Variants in WDR59 observed in about 807,000 individuals in gnomAD.
WDR59 encodes GATOR2 complex protein WDR59.
Under a neutral mutation model 131.2 loss-of-function variants are expected in WDR59, and 100 were observed. The ratio of observed to expected loss-of-function variants is 0.76; its 90% CI spans 0.65 to 0.90. WDR59 has a LOEUF of 0.90. WDR59 is among the 40% of genes least tolerant of loss of function. The pLI, the probability that WDR59 is intolerant of heterozygous loss-of-function variation, is 0.00. For synonymous variants in WDR59, 601 were observed against 466.2 expected (o/e 1.29, Z -3.72); for missense variants, 1,203 against 1,262.2 (o/e 0.95, Z 0.71).
intron 13 of WDR59, among the ~76,000 whole-genome samples, chr16:74,914,125 T>C (rs748000338): frequency 2.0e-5 from 3 of 151,934 alleles, no homozygotes; most frequent in Non-Finnish European, 4.4e-5. Context: ...GGCAGGAGAA[T>C]CGCGTGAACC....
At chr16:74,958,005 A>T (rs2033372733) in intron 2 of WDR59, among the ~76,000 whole-genome samples, 1 of 152,164 alleles carries the variant, frequency 6.6e-6, no homozygotes, top group Admixed American at 6.6e-5. Flanking sequence ...GAATCACCTG[A>T]TCCTGCGATG....
intron 1 of WDR59, among the ~76,000 whole-genome samples, chr16:74,976,316 C>A (rs374187382): frequency 1.3e-5 from 2 of 152,010 alleles, no homozygotes; most frequent in South Asian, 2.1e-4. Context: ...AAATCACCAA[C>A]CATTATTAGG....
intron 18 of WDR59, 110 bp from the exon 19 acceptor site, chr16:74,893,922 A>G (rs1315744134): frequency 1.1e-5 from 13 of 1,189,690 alleles, no homozygotes; most frequent in South Asian, 1.5e-5. Flanking sequence ...TTTAAAAATT[A>G]CATCATGCCC....
At chr16:74,900,925 C>T (rs992808928) in intron 18 of WDR59, among the ~76,000 whole-genome samples, 1 of 152,214 alleles carries the variant, frequency 6.6e-6, no homozygotes, top group Non-Finnish European at 1.5e-5. Flanking sequence ...TCGAGACCAG[C>T]GTGGCCAACA....
In WDR59 at chr16:74,921,951, C is replaced by T; in HGVS notation, c.882G>A (p.Lys294=). The T allele has an allele frequency of 6.2e-7, 1 of 1,613,876 alleles. No homozygotes were observed. The highest frequency in any genetic ancestry group is 8.5e-7 in the Non-Finnish European group (1 of 1,179,934). Residue 294 remains lysine, a synonymous_variant, in exon 10 of 26, where the codon AAG becomes AAA. Transcript: ENST00000262144. Reference sequence around the variant, plus strand: ...CAGCAGGCCTCTCCCACTCACCTTCCTTCTGCTTCCTCCACTGGAACTCCA... The same window carrying T: ...CAGCAGGCCTCTCCCACTCACCTTCTTTCTGCTTCCTCCACTGGAACTCCA... The part of the protein sequence containing the change: ...VVLEFQWRKQ[K]EGSKDYQLVT...
chr16:74,896,201 C>T (rs1336697386), intron 18 of WDR59, among the ~76,000 whole-genome samples: 1 of 151,940 alleles, frequency 6.6e-6, no homozygotes, highest in Non-Finnish European at 1.5e-5. Context: ...CAGGCAGTCA[C>T]TCTGGTTCTT....
At chr16:74,982,323 C>G (rs1321475910) in intron 1 of WDR59, among the ~76,000 whole-genome samples, 1 of 151,992 alleles carries the variant, frequency 6.6e-6, no homozygotes, top group Non-Finnish European at 1.5e-5. Context: ...TGCTAATTCA[C>G]ATAAAGAGGA....
At position 74,980,802 on chromosome 16, in the gene WDR59, T is replaced by A. The variant is rs375437691; in HGVS notation, c.54+4162A>T. 3.3e-5 allele frequency among the ~76,000 whole-genome samples: 5 copies of A among 151,460 alleles called. No individual in the cohort carries two copies. The South Asian group carries it at 1.0e-3, about 32-fold the overall frequency. On this transcript the variant is annotated intron_variant, in intron 1 of 25. Transcript: ENST00000262144. ...GCCTGGCCAACATGACGAAACCCCA[T>A]CTCTACTAAAATACAAAAATTAGCC...
At chr16:74,922,894 C>T (rs2030386086) in intron 9 of WDR59, among the ~76,000 whole-genome samples, 1 of 152,094 alleles carries the variant, frequency 6.6e-6, no homozygotes, top group Admixed American at 6.5e-5. Context: ...CTTTTTTGCT[C>T]CACAATGCTC....
intron 1 of WDR59, among the ~76,000 whole-genome samples, chr16:74,966,800 G>A (rs903731322): frequency 2.6e-5 from 4 of 152,080 alleles, no homozygotes; most frequent in African/African-American, 7.2e-5. Flanking sequence ...TCTATTTCCC[G>A]GGTCTCCCAA....
At chr16:74,875,049 G>A (rs1964142734) in intron 25 of WDR59, among the ~76,000 whole-genome samples, 2 of 152,248 alleles carry the variant, frequency 1.3e-5, no homozygotes, top group Non-Finnish European at 2.9e-5. Context: ...ACGGCTGGCA[G>A]GGCCTGGCAC....
Position 74,942,769 on chromosome 16 carries a change from T to C in WDR59, c.503A>G (p.His168Arg). 1.9e-6 allele frequency: 3 copies of C among 1,612,712 alleles called. No homozygotes were observed. The highest frequency in any genetic ancestry group is 2.5e-6 in the Non-Finnish European group (3 of 1,179,692). Residue 168 changes from histidine (H) to arginine (R), a missense_variant, in exon 7 of 26, where the codon CAT (histidine) becomes CGT (arginine). Transcript: ENST00000262144. ...KKNANCLATS[H>R]DGDVRIWDKR... ...ATCCCATATCCGCACATCGCCGTCATGGCTGGTGGCAAGGCAGTTAGCATT... is the reference window on the plus strand; with the variant it reads ...ATCCCATATCCGCACATCGCCGTCACGGCTGGTGGCAAGGCAGTTAGCATT...
rs570626320 is a variant in WDR59 at position 74,954,236 on chromosome 16, C to T, written c.240+2239G>A. On this transcript the variant is annotated intron_variant, in intron 3 of 25. Transcript: ENST00000262144. ...CCAGCTGGACCAACACGGAGAAACCCTGTCTCTACTAAAAATACAAAATTA... is the reference window on the plus strand; with the variant it reads ...CCAGCTGGACCAACACGGAGAAACCTTGTCTCTACTAAAAATACAAAATTA... 8.1e-4 allele frequency among the ~76,000 whole-genome samples: 123 copies of T among 152,102 alleles called. 1 individual carries two copies. The highest frequency in any genetic ancestry group is 2.8e-3 in the African/African-American group (117 of 41,500).
intron 1 of WDR59, among the ~76,000 whole-genome samples, chr16:74,968,378 G>A (rs894691231): frequency 4.6e-5 from 7 of 152,270 alleles, no homozygotes; most frequent in African/African-American, 1.4e-4. Flanking sequence ...AGAGTGCCTC[G>A]ACTTCTGACC....
rs568935676 is a variant in WDR59 at position 74,979,506 on chromosome 16, C to T, written c.54+5458G>A. Among the ~76,000 whole-genome samples, 7 of 151,088 alleles carry T rather than the reference C, an allele frequency of 4.6e-5. No homozygotes were observed. The South Asian group carries it at 1.3e-3, about 27-fold the overall frequency. On this transcript the variant is annotated intron_variant, in intron 1 of 25. Coordinates refer to ENST00000262144, the MANE Select transcript of WDR59 (RefSeq NM_030581.4). ...AAAACAAAACAAACAAACAAAAAAA[C>T]AGTGTTGCTCTGGAAGATTACCTGC...
At chr16:74,979,751 G>A (rs2034324687) in intron 1 of WDR59, among the ~76,000 whole-genome samples, 1 of 149,802 alleles carries the variant, frequency 6.7e-6, no homozygotes, top group Admixed American at 6.7e-5. Context: ...ATATTGGCCA[G>A]GCTGGTCTCG....
rs1477712327 is a variant in WDR59, at chr16:74,958,271, G to C, written c.105-1661C>G. 2.6e-5 allele frequency among the ~76,000 whole-genome samples: 4 copies of C among 151,942 alleles called. No homozygotes were observed. In the East Asian group the frequency reaches 7.7e-4, roughly 29 times the overall value. The stretch of plus-strand genomic sequence containing the variant: ...AAATGAGACAGGAAATGAAAAACAG[G>C]TGGACAAATGGTAATTGATCTAAAG... On this transcript the variant is annotated intron_variant, in intron 2 of 25. Coordinates refer to ENST00000262144, the MANE Select transcript of WDR59 (RefSeq NM_030581.4).
At chr16:74,900,350 T>C (rs1597668676) in intron 18 of WDR59, among the ~76,000 whole-genome samples, 1 of 152,190 alleles carries the variant, frequency 6.6e-6, no homozygotes, top group African/African-American at 2.4e-5. Flanking sequence ...AAGGGGCTAA[T>C]GCTGAGGAGA....
At chr16:74,980,689 C>G (rs2034366856) in intron 1 of WDR59, among the ~76,000 whole-genome samples, 1 of 152,090 alleles carries the variant, frequency 6.6e-6, no homozygotes, top group East Asian at 1.9e-4. Flanking sequence ...AAATTATTTT[C>G]AGACCAGGTG....
Sources: gnomAD v4.1 joint callset for allele counts (sites outside exome capture counted in the v4.1 genomes callset) on GRCh38, gnomAD v4.1.1 for gene constraint, MANE v1.5 for transcripts, NCBI Gene and HGNC (gene_info 2026-07-23, HGNC 2026-07-21) for gene names.